Variants in MYO1H observed in about 807,000 individuals in gnomAD.
The protein encoded by MYO1H is myosin IH.
A neutral mutation model predicts 149.3 loss-of-function variants in MYO1H; 118 were observed. That is an observed-to-expected ratio of 0.79 (90% CI 0.68 to 0.92). MYO1H has a LOEUF of 0.92. Among genes scored for constraint, MYO1H ranks in the 40% least tolerant of loss-of-function variants. The pLI, the probability that MYO1H is intolerant of heterozygous loss-of-function variation, is 0.00. For missense variants in MYO1H, 1,212 were observed against 1,280.7 expected (o/e 0.95, Z 0.82); for synonymous variants, 447 against 465.2 (o/e 0.96, Z 0.50).
chr12:109,346,350 C>T (rs1009211676), upstream of MYO1H, among the ~76,000 whole-genome samples: 2 of 152,072 alleles, frequency 1.3e-5, no homozygotes, highest in African/African-American at 4.8e-5. Context: ...GAACCAATCC[C>T]CCACAGATAC....
At chr12:109,434,155 G>A (rs1409133198) in intron 20 of MYO1H, among the ~76,000 whole-genome samples, 1 of 152,070 alleles carries the variant, frequency 6.6e-6, no homozygotes, top group African/African-American at 2.4e-5. Flanking sequence ...GATTACAGGT[G>A]CACACTACCA....
At chr12:109,433,626 C>A (rs1199529208) in intron 20 of MYO1H, among the ~76,000 whole-genome samples, 1 of 152,202 alleles carries the variant, frequency 6.6e-6, no homozygotes, top group Non-Finnish European at 1.5e-5. Context: ...GAGAGCTCTG[C>A]CTGTGATCCT....
chr12:109,446,188 T>C (rs1872471792), intron 31 of MYO1H: 3 of 984,896 alleles, frequency 3.0e-6, no homozygotes, highest in Non-Finnish European at 3.6e-6. Flanking sequence ...TTGGGAACCA[T>C]GGCTACGTTA....
chr12:109,396,751 T>C (rs557751184), intron 4 of MYO1H, among the ~76,000 whole-genome samples, 169 bp downstream of exon 4: 16 of 151,712 alleles, frequency 1.1e-4, no homozygotes, highest in African/African-American at 3.4e-4. Context: ...CATTTCCCCA[T>C]TTGTTGAATG....
upstream of MYO1H, among the ~76,000 whole-genome samples, chr12:109,345,334 TG>T (rs1236437672): frequency 6.6e-6 from 1 of 152,098 alleles, no homozygotes; most frequent in Non-Finnish European, 1.5e-5. Flanking sequence ...GGTATAGAAA[TG>T]GCAAATACAC....
chr12:109,421,732 G>C (rs1475962757), intron 16 of MYO1H, among the ~76,000 whole-genome samples: 2 of 152,102 alleles, frequency 1.3e-5, no homozygotes, highest in African/African-American at 4.8e-5. Flanking sequence ...ATGAGGTGGG[G>C]GCTGGAGATG....
intron 3 of MYO1H, 120 bp downstream of exon 3, chr12:109,393,566 TCCATCCATCCGCCCAC>T: frequency 4.5e-6 from 3 of 671,302 alleles, no homozygotes; most frequent in Non-Finnish European, 5.3e-6. Context: ...CATCCATCCA[TCCATCCATCCGCCCAC>T]CCATCCATTC....
At chr12:109,364,475 C>G (rs1201992593) in intron 1 of MYO1H, among the ~76,000 whole-genome samples, 3 of 152,128 alleles carry the variant, frequency 2.0e-5, no homozygotes, top group African/African-American at 7.2e-5. Context: ...TGGGCATGCA[C>G]CACTATGCCA....
intron 20 of MYO1H, among the ~76,000 whole-genome samples, chr12:109,434,150 C>A (rs925453980): frequency 6.6e-6 from 1 of 152,270 alleles, no homozygotes; most frequent in Middle Eastern, 3.4e-3. Flanking sequence ...GCTGGGATTA[C>A]AGGTGCACAC....
At chr12:109,443,468 G>A (rs752047051) in intron 27 of MYO1H, 46 bp from the exon 28 acceptor site, 36 of 1,597,812 alleles carry the variant, frequency 2.3e-5, no homozygotes, top group African/African-American at 9.4e-5. Context: ...CAAGAAACTC[G>A]GTACTCTGCC....
intron 1 of MYO1H, among the ~76,000 whole-genome samples, chr12:109,360,259 GTCTC>G (rs1333292960): frequency 6.6e-6 from 1 of 152,008 alleles, no homozygotes; most frequent in Non-Finnish European, 1.5e-5. Context: ...GCTATTCATT[GTCTC>G]TCTAAATACT....
intron 1 of MYO1H, among the ~76,000 whole-genome samples, chr12:109,371,451 A>G (rs2137015733): frequency 6.6e-6 from 1 of 152,116 alleles, no homozygotes; most frequent in South Asian, 2.1e-4. Flanking sequence ...CTCCTGAGCT[A>G]AAGCAATCTG....
chr12:109,375,292 A>G (rs1201051709), intron 1 of MYO1H, among the ~76,000 whole-genome samples: 2 of 151,878 alleles, frequency 1.3e-5, no homozygotes, highest in Non-Finnish European at 2.9e-5. Context: ...TGCTGGGGCT[A>G]CAGGCGTGTA....
chr12:109,375,051 C>T (rs1295230571), intron 1 of MYO1H, among the ~76,000 whole-genome samples: 2 of 151,810 alleles, frequency 1.3e-5, no homozygotes, highest in African/African-American at 2.4e-5. Context: ...GACGGGGTTT[C>T]GCCATGTTGG....
intron 19 of MYO1H, among the ~76,000 whole-genome samples, chr12:109,432,351 G>C (rs1164419579): frequency 6.6e-6 from 1 of 151,996 alleles, no homozygotes; most frequent in African/African-American, 2.4e-5. Context: ...TCAAATGCCT[G>C]GCCTCAAGTG....
the MYO1H span, among the ~76,000 whole-genome samples, chr12:109,322,904 C>T: frequency 3.3e-5 from 5 of 150,554 alleles, no homozygotes; most frequent in South Asian, 2.1e-4. Context: ...GTCAGGAGAT[C>T]GAGACCATCC....
chr12:109,385,913 A>G (rs961183746), intron 1 of MYO1H, among the ~76,000 whole-genome samples: 3 of 152,176 alleles, frequency 2.0e-5, no homozygotes, highest in Non-Finnish European at 4.4e-5. Context: ...ACATATAGTG[A>G]AATGCACACA....
At chr12:109,325,173 A>G in the MYO1H span, among the ~76,000 whole-genome samples, 2 of 152,238 alleles carry the variant, frequency 1.3e-5, no homozygotes, top group African/African-American at 2.4e-5. Flanking sequence ...CAGTGCTGCA[A>G]TAAACATACA....
chr12:109,443,268 GTGTGTGTATATGTGTACGTATATA>G lies in MYO1H; in HGVS notation c.2689-234_2689-211del, dbSNP rs1566045309. On this transcript the variant is annotated intron_variant, in intron 27 of 31. Coordinates refer to ENST00000310903, the Ensembl canonical transcript of MYO1H. ...TGTGTGTGTATATGTGTACGTATAT[GTGTGTGTATATGTGTACGTATATA>G]TGTGTGTATATATGTGTACGTATAT... 8.6e-4 allele frequency among the ~76,000 whole-genome samples: 117 copies of G among 136,778 alleles called. 12 individuals carry two copies. The highest frequency in any genetic ancestry group is 1.3e-3 in the Non-Finnish European group (80 of 61,196). The allele number at this position is 136,778 out of a possible 152,430, so 89.7% of individuals were successfully genotyped here. A position where few individuals can be genotyped will look rare whatever the true frequency, so the allele number is the denominator to read the frequency against.
Sources: gnomAD v4.1 joint callset for allele counts (sites outside exome capture counted in the v4.1 genomes callset) on GRCh38, gnomAD v4.1.1 for gene constraint, MANE v1.5 for transcripts, NCBI Gene and HGNC (gene_info 2026-07-23, HGNC 2026-07-21) for gene names.